The following KCNB2 variants were observed in gnomAD, a reference collection of about 807,000 sequenced individuals.
KCNB2 encodes potassium voltage-gated channel subfamily B member 2.
Under a neutral mutation model 61.5 loss-of-function variants are expected in KCNB2, and 15 were observed. The observed-to-expected ratio is 0.24, with a 90% CI of 0.16 to 0.38. The LOEUF (loss-of-function observed/expected upper bound fraction) is 0.38, where lower values mean the gene tolerates loss of function less well. Ranked by LOEUF, KCNB2 falls within the 10% of genes least tolerant of loss-of-function variation. The pLI is 1.00. For synonymous variants in KCNB2, 457 were observed against 446.0 expected, an observed-to-expected ratio of 1.02 and a Z score of -0.31; for missense variants, 828 against 1,125.2, an observed-to-expected ratio of 0.74 and a Z score of 3.78.
chr8:72,597,833 T>A (rs1807224057), intron 2 of KCNB2, among the ~76,000 whole-genome samples: 1 of 152,126 alleles, frequency 6.6e-6, no homozygotes, highest in Non-Finnish European at 1.5e-5. Context: ...ATTAAACAAG[T>A]GCTAATGAGG....
intron 2 of KCNB2, among the ~76,000 whole-genome samples, chr8:72,664,551 T>C (rs887531973): frequency 1.3e-5 from 2 of 152,224 alleles, no homozygotes; most frequent in African/African-American, 4.8e-5. Context: ...AGAGACTGCT[T>C]CTGTAGAATC....
chr8:72,707,450 G>T (rs1807247441), intron 2 of KCNB2, among the ~76,000 whole-genome samples: 1 of 152,056 alleles, frequency 6.6e-6, no homozygotes, highest in Non-Finnish European at 1.5e-5. Context: ...TGTTTGGTTG[G>T]GTTCCTTGGG....
intron 2 of KCNB2, among the ~76,000 whole-genome samples, chr8:72,583,948 C>CAAAAAAAAA (rs71566823): frequency 4.7e-4 from 47 of 100,672 alleles, no homozygotes; most frequent in African/African-American, 9.5e-4. Context: ...AATAGAATAT[C>CAAAAAAAAA]AAAAAAAAAA....
At chr8:72,648,933 T>C (rs1018242561) in intron 2 of KCNB2, among the ~76,000 whole-genome samples, 1 of 152,130 alleles carries the variant, frequency 6.6e-6, no homozygotes, top group Non-Finnish European at 1.5e-5. Flanking sequence ...TGCTACTGAA[T>C]TAATTTGATA....
In KCNB2 at chr8:72,837,302, G is replaced by C. The variant is rs554439413; in HGVS notation, c.580-98633G>C. Among the ~76,000 whole-genome samples, 138 of 152,282 alleles carry C rather than the reference G, an allele frequency of 9.1e-4. 2 individuals are homozygous for C. Among genetic ancestry groups the C allele is most frequent in the African/African-American group, 3.1e-3 (130 of 41,566 alleles). ...GTGCCACCTACAGTTAGAAGCTCTTGTGCCTCTGTTCATTGACTGAACTAC... is the reference window on the plus strand; with the variant it reads ...GTGCCACCTACAGTTAGAAGCTCTTCTGCCTCTGTTCATTGACTGAACTAC... On this transcript the variant is annotated intron_variant, in intron 2 of 2. Coordinates refer to ENST00000523207, the MANE Select transcript of KCNB2 (RefSeq NM_004770.3).
At chr8:72,719,923 T>C (rs1343376549) in intron 2 of KCNB2, among the ~76,000 whole-genome samples, 1 of 152,208 alleles carries the variant, frequency 6.6e-6, no homozygotes, top group Non-Finnish European at 1.5e-5. Flanking sequence ...GATGGTAAGA[T>C]GGCCAGTCTT....
chr8:72,874,635 GA>G (rs1384902798), intron 2 of KCNB2, among the ~76,000 whole-genome samples: 1 of 152,206 alleles, frequency 6.6e-6, no homozygotes, highest in Non-Finnish European at 1.5e-5. Flanking sequence ...CTGAGCCAAT[GA>G]AATGTTTACA....
chr8:72,805,727 G>A (rs188902159), intron 2 of KCNB2, among the ~76,000 whole-genome samples: 57 of 152,176 alleles, frequency 3.7e-4, no homozygotes, highest in African/African-American at 1.3e-3. Context: ...GCTTACAATT[G>A]TTCTCGAGGT....
At chr8:72,719,405 C>T (rs1003471588) in intron 2 of KCNB2, among the ~76,000 whole-genome samples, 2 of 152,146 alleles carry the variant, frequency 1.3e-5, no homozygotes, top group Non-Finnish European at 2.9e-5. Flanking sequence ...CTTTGTCTAT[C>T]TTTTAATGTA....
At chr8:72,561,426 A>AT (rs971677155) in intron 1 of KCNB2, among the ~76,000 whole-genome samples, 28 of 147,378 alleles carry the variant, frequency 1.9e-4, no homozygotes, top group Admixed American at 6.1e-4. Flanking sequence ...AAAAAGTTCT[A>AT]TTTTTTTTTT....
In KCNB2 at chr8:72,584,560, A is replaced by G. The variant is rs544091991; in HGVS notation, c.579+16247A>G. On this transcript the variant is annotated intron_variant, in intron 2 of 2. Transcript: ENST00000523207. The stretch of plus-strand genomic sequence containing the variant: ...TCATGATTTATAGGAAGTGAAAAAT[A>G]TATATTTTTTAAATTTAGACCAAGA... Among the ~76,000 whole-genome samples, 16 of 152,344 alleles carry G rather than the reference A, an allele frequency of 1.1e-4. No homozygotes were observed. In the South Asian group the frequency reaches 2.3e-3, roughly 22 times the overall value.
chr8:72,848,818 G>A (rs1372080148), intron 2 of KCNB2, among the ~76,000 whole-genome samples: 1 of 151,732 alleles, frequency 6.6e-6, no homozygotes, highest in Non-Finnish European at 1.5e-5. Flanking sequence ...TAAGATTCAG[G>A]CACTGTTAAA....
At chr8:72,584,115 A>C (rs1047135868) in intron 2 of KCNB2, among the ~76,000 whole-genome samples, 20 of 152,132 alleles carry the variant, frequency 1.3e-4, no homozygotes, top group African/African-American at 2.9e-4. Flanking sequence ...ACAAAAAAAA[A>C]CAGAAAAAAA....
chr8:72,572,093 A>G (rs1806718061), intron 2 of KCNB2, among the ~76,000 whole-genome samples: 1 of 152,178 alleles, frequency 6.6e-6, no homozygotes, highest in Non-Finnish European at 1.5e-5. Flanking sequence ...AGCACAGCCC[A>G]CCTGAGATCT....
At chr8:72,549,733 C>G (rs914795176) in intron 1 of KCNB2, among the ~76,000 whole-genome samples, 1 of 152,172 alleles carries the variant, frequency 6.6e-6, no homozygotes, top group Non-Finnish European at 1.5e-5. Flanking sequence ...CTTCACCACA[C>G]GCCTGTGTTC....
intron 2 of KCNB2, among the ~76,000 whole-genome samples, chr8:72,741,420 T>G (rs1029831086): frequency 1.3e-5 from 2 of 152,152 alleles, no homozygotes; most frequent in African/African-American, 4.8e-5. Flanking sequence ...TTTCTTTTCT[T>G]ATTATTATTA....
chr8:72,685,556 G>A (rs1806835958), intron 2 of KCNB2, among the ~76,000 whole-genome samples: 1 of 152,090 alleles, frequency 6.6e-6, no homozygotes. Flanking sequence ...AGAGCCATGG[G>A]AACGAGTAAC....
intron 2 of KCNB2, among the ~76,000 whole-genome samples, chr8:72,778,893 G>A: frequency 6.6e-6 from 1 of 151,964 alleles, no homozygotes; most frequent in East Asian, 1.9e-4. Context: ...TTCCTGCTGG[G>A]TCACTTGGAA....
rs139762922 is a variant in KCNB2, at chr8:72,832,652, A to G, written c.580-103283A>G. Among the ~76,000 whole-genome samples, 49 of 152,306 alleles carry G rather than the reference A, an allele frequency of 3.2e-4. 1 individual carries two copies. The East Asian group carries it at 9.5e-3, about 29-fold the overall frequency. On this transcript the variant is annotated intron_variant, in intron 2 of 2. Coordinates refer to ENST00000523207, the MANE Select transcript of KCNB2 (RefSeq NM_004770.3). ...TTCCAAGCTATCAAGTTAGCATGCCACAGTTCCACAGATGCTGGCAGAAGA... is the reference window on the plus strand; with the variant it reads ...TTCCAAGCTATCAAGTTAGCATGCCGCAGTTCCACAGATGCTGGCAGAAGA...
Sources: gnomAD v4.1 joint callset for allele counts (sites outside exome capture counted in the v4.1 genomes callset) on GRCh38, gnomAD v4.1.1 for gene constraint, MANE v1.5 for transcripts, NCBI Gene and HGNC (gene_info 2026-07-23, HGNC 2026-07-21) for gene names.